The following ZNF532 variants were observed in gnomAD, a reference collection of about 807,000 sequenced individuals.
The protein encoded by ZNF532 is zinc finger protein 532.
Under a neutral mutation model 89.3 loss-of-function variants are expected in ZNF532, and 22 were observed. That is an observed-to-expected ratio of 0.25 (90% CI 0.18 to 0.35). The LOEUF (loss-of-function observed/expected upper bound fraction) is 0.35. Ranked by LOEUF, ZNF532 falls within the 10% of genes least tolerant of loss-of-function variation. ZNF532 has a pLI of 1.00. For synonymous variants in ZNF532, 606 were observed against 649.6 expected, an observed-to-expected ratio of 0.93 and a Z score of 1.02; for missense variants, 1,132 against 1,643.4, an observed-to-expected ratio of 0.69 and a Z score of 5.38.
chr18:58,981,787 G>A (rs1429915778), intron 9 of ZNF532, among the ~76,000 whole-genome samples, 170 bp downstream of exon 9: 1 of 152,054 alleles, frequency 6.6e-6, no homozygotes, highest in African/African-American at 2.4e-5. Context: ...GGTAAATCAC[G>A]AGTTCAGGAG....
At chr18:58,887,749 T>C (rs1167003982) in intron 2 of ZNF532, among the ~76,000 whole-genome samples, 2 of 152,176 alleles carry the variant, frequency 1.3e-5, no homozygotes, top group Non-Finnish European at 2.9e-5. Flanking sequence ...TTGTGGTTAG[T>C]GTCCTCTTCC....
intron 3 of ZNF532, among the ~76,000 whole-genome samples, chr18:58,929,158 T>C (rs2061752392): frequency 6.6e-6 from 1 of 152,226 alleles, no homozygotes; most frequent in Non-Finnish European, 1.5e-5. Context: ...TCATTCTTTC[T>C]GCTTCTCTAA....
In ZNF532 at chr18:58,866,163, A is replaced by G. The variant is rs1602420962; in HGVS notation, c.-18+584A>G. 2.0e-5 allele frequency among the ~76,000 whole-genome samples: 3 copies of G among 152,294 alleles called. No individual in the cohort carries two copies. In the South Asian group the frequency reaches 6.2e-4, roughly 32 times the overall value. ...TTGTGGCATATGTTTAATGTGGAAT[A>G]CTAATGCAATACCAGGGGGAAGCCG... On this transcript the variant is annotated intron_variant, in intron 2 of 9. Transcript: ENST00000591808.
intron 5 of ZNF532, among the ~76,000 whole-genome samples, chr18:58,942,373 T>C (rs58942204): frequency 0.014 from 1,518 of 111,954 alleles, 54 homozygotes; most frequent in East Asian, 0.021. Context: ...CTTCCTTCCT[T>C]CCTTCCTTCC....
At chr18:58,922,662 G>A (rs2061203951) in intron 3 of ZNF532, among the ~76,000 whole-genome samples, 1 of 152,112 alleles carries the variant, frequency 6.6e-6, no homozygotes, top group Non-Finnish European at 1.5e-5. Context: ...AGTAAAAAAG[G>A]GGAAAAAGCC....
Position 58,985,666 on chromosome 18 carries a change from C to T in ZNF532, c.*1200C>T, listed in dbSNP as rs2068319923. 1 of 152,372 alleles carries T rather than the reference C, an allele frequency of 6.6e-6. No individual in the cohort carries two copies. Among genetic ancestry groups the T allele is most frequent in the Admixed American group, 6.6e-5 (1 of 15,254 alleles). 9.4% of individuals were successfully genotyped at this position (152,372 alleles called of 1,614,324 possible). On this transcript the variant is annotated 3_prime_UTR_variant, in exon 10 of 10. Transcript: ENST00000591808. Reference sequence around the variant, plus strand: ...ATGCAGCAGAGGTACTCTTCTGTCCCTTCCGTTTATAGTTCTCTGAGAGAG... The same window carrying T: ...ATGCAGCAGAGGTACTCTTCTGTCCTTTCCGTTTATAGTTCTCTGAGAGAG...
intron 7 of ZNF532, among the ~76,000 whole-genome samples, chr18:58,977,061 G>GCTTTGTTCTCTCTTT (rs1405298794): frequency 6.6e-6 from 1 of 152,072 alleles, no homozygotes; most frequent in Admixed American, 6.5e-5. Flanking sequence ...CTTGTTATTT[G>GCTTTGTTCTCTCTTT]CTTTGTTCTC....
chr18:58,911,327 T>C (rs7231463), intron 2 of ZNF532, among the ~76,000 whole-genome samples: 67,168 of 152,124 alleles, frequency 0.44, 15,329 homozygotes, highest in East Asian at 0.63. Context: ...TTTGAAGGAA[T>C]GAAGCTGTGG....
intron 2 of ZNF532, among the ~76,000 whole-genome samples, chr18:58,870,894 T>C (rs1270711946): frequency 6.6e-6 from 1 of 152,088 alleles, no homozygotes; most frequent in Non-Finnish European, 1.5e-5. Context: ...GTGGAGGGAC[T>C]TGATACAGTG....
intron 7 of ZNF532, among the ~76,000 whole-genome samples, chr18:58,969,092 G>A (rs1450224065): frequency 6.6e-6 from 1 of 152,184 alleles, no homozygotes; most frequent in African/African-American, 2.4e-5. Context: ...ATGCTTGCTC[G>A]CTTTAGTTTT....
chr18:58,872,600 C>A (rs1203672168), intron 2 of ZNF532, among the ~76,000 whole-genome samples: 1 of 152,102 alleles, frequency 6.6e-6, no homozygotes, highest in Non-Finnish European at 1.5e-5. Flanking sequence ...GTGGGGCCAT[C>A]AGGTAACCAA....
At chr18:58,901,841 C>A (rs753260612) in intron 2 of ZNF532, among the ~76,000 whole-genome samples, 1 of 152,192 alleles carries the variant, frequency 6.6e-6, no homozygotes, top group Non-Finnish European at 1.5e-5. Flanking sequence ...CCCCACCCTG[C>A]TCTCACAGCC....
At chr18:58,940,991 C>CTCT in intron 5 of ZNF532, among the ~76,000 whole-genome samples, 1 of 146,344 alleles carries the variant, frequency 6.8e-6, no homozygotes, top group African/African-American at 2.5e-5. Flanking sequence ...CTCTCTCTCT[C>CTCT]CTGGCTTTTG....
At chr18:58,873,008 C>G (rs1174724321) in intron 2 of ZNF532, among the ~76,000 whole-genome samples, 1 of 151,956 alleles carries the variant, frequency 6.6e-6, no homozygotes, top group Non-Finnish European at 1.5e-5. Context: ...TAAAATTTAT[C>G]TTATGTTTTA....
intron 2 of ZNF532, among the ~76,000 whole-genome samples, chr18:58,881,768 C>A (rs187388934): frequency 6.6e-6 from 1 of 152,332 alleles, no homozygotes; most frequent in African/African-American, 2.4e-5. Flanking sequence ...TTGTCAAGAG[C>A]CATGAGGCAT....
intron 2 of ZNF532, among the ~76,000 whole-genome samples, chr18:58,874,490 G>A (rs1367353711): frequency 4.6e-5 from 7 of 152,014 alleles, no homozygotes; most frequent in African/African-American, 1.4e-4. Flanking sequence ...GGTTACAGGC[G>A]CCCACCACCA....
At chr18:58,883,734 G>T (rs2058084340) in intron 2 of ZNF532, among the ~76,000 whole-genome samples, 1 of 151,800 alleles carries the variant, frequency 6.6e-6, no homozygotes, top group Admixed American at 6.5e-5. Flanking sequence ...AGGATGTTTA[G>T]CAGCATCCTT....
intron 7 of ZNF532, among the ~76,000 whole-genome samples, chr18:58,976,764 C>T (rs1277999399): frequency 6.6e-6 from 1 of 152,146 alleles, no homozygotes; most frequent in Non-Finnish European, 1.5e-5. Flanking sequence ...AACTCCTGAC[C>T]TCAGGTGATC....
chr18:58,922,332 T>G (rs1049609639), intron 3 of ZNF532, among the ~76,000 whole-genome samples: 1 of 152,244 alleles, frequency 6.6e-6, no homozygotes, highest in Admixed American at 6.5e-5. Context: ...TTTAAGTTCT[T>G]TGTAGCATTT....
Sources: allele counts gnomAD v4.1 joint callset (sites outside exome capture counted in the v4.1 genomes callset), GRCh38; gene constraint gnomAD v4.1.1; transcripts MANE v1.5; gene names NCBI Gene and HGNC (gene_info 2026-07-23, HGNC 2026-07-21).